The following TMEM254 variants were observed in gnomAD, a reference collection of about 807,000 sequenced individuals.
TMEM254 encodes transmembrane protein 254.
TMEM254 carries 16 observed loss-of-function variants against 13.9 expected under a neutral mutation model. The ratio of observed to expected loss-of-function variants is 1.15; its 90% confidence interval spans 0.78 to 1.75. The LOEUF is 1.75. Ranked by LOEUF, TMEM254 falls within the 40% of genes most tolerant of loss-of-function variation. The pLI is 0.00. For synonymous variants in TMEM254, 61 were observed against 56.4 expected (o/e 1.08, Z -0.36); for missense variants, 155 against 149.0 (o/e 1.04, Z -0.21).
intron 3 of TMEM254, among the ~76,000 whole-genome samples, chr10:80,082,619 C>T (rs1844098672): frequency 6.6e-6 from 1 of 152,124 alleles, no homozygotes; most frequent in South Asian, 2.1e-4. Flanking sequence ...GTCTGGTTTC[C>T]AGACCCAGAG....
intron 3 of TMEM254, among the ~76,000 whole-genome samples, chr10:80,089,659 C>T (rs918723129): frequency 6.7e-6 from 1 of 149,360 alleles, no homozygotes; most frequent in African/African-American, 2.5e-5. Context: ...CTGTAGGTGA[C>T]AGAGTGAGAC....
At chr10:80,079,170 C>T in intron 1 of TMEM254, 2 of 1,159,474 alleles carry the variant, frequency 1.7e-6, no homozygotes, top group Non-Finnish European at 2.3e-6. Context: ...AGTCCTGGGG[C>T]TGGGCTACTT....
chr10:80,085,098 A>G (rs1274195262), intron 3 of TMEM254, among the ~76,000 whole-genome samples: 1 of 152,080 alleles, frequency 6.6e-6, no homozygotes, highest in Non-Finnish European at 1.5e-5. Context: ...GGGATTACAG[A>G]CGTGAGCCAC....
At chr10:80,080,474 C>T (rs1843939378) in intron 1 of TMEM254, among the ~76,000 whole-genome samples, 1 of 152,136 alleles carries the variant, frequency 6.6e-6, no homozygotes, top group Admixed American at 6.5e-5. Flanking sequence ...CATCTCTATG[C>T]AGTGGATCAT....
chr10:80,090,444 G>T (rs1355737713), intron 3 of TMEM254: 1 of 717,336 alleles, frequency 1.4e-6, no homozygotes, highest in South Asian at 1.5e-5. Context: ...AGGTAGCCAC[G>T]CTAGGATTTA....
At position 80,078,731 on chromosome 10, in the gene TMEM254, A is replaced by G. The variant is rs1452469127; in HGVS notation, c.32A>G (p.Gln11Arg). Residue 11 changes from glutamine (Q) to arginine (R), a missense_variant, in exon 1 of 4, where the codon CAG becomes CGG. Transcript: ENST00000372281. ...ACGGCAGCCGGCGCGACCTACTTTC[A>G]GCGAGGCAGTCTGTTCTGGTTCACA... is the stretch of plus-strand genomic sequence containing the variant. MATAAGATYF[Q>R]RGSLFWFTVI... The G allele has an allele frequency of 1.9e-6, 3 of 1,608,034 alleles. No individual in the cohort carries two copies. Among genetic ancestry groups the G allele is most frequent in the Non-Finnish European group, 1.7e-6 (2 of 1,177,990 alleles).
intron 3 of TMEM254, among the ~76,000 whole-genome samples, chr10:80,084,448 G>A (rs1172961635): frequency 5.9e-5 from 9 of 152,132 alleles, no homozygotes; most frequent in Admixed American, 5.9e-4. Flanking sequence ...AACAACTTCC[G>A]TATCCCTCCA....
chr10:80,081,333 A>G (rs1844010429), intron 1 of TMEM254, among the ~76,000 whole-genome samples: 2 of 152,076 alleles, frequency 1.3e-5, no homozygotes, highest in Admixed American at 1.3e-4. Flanking sequence ...ATAACCACAT[A>G]CTTTCCTCAG....
intron 3 of TMEM254, among the ~76,000 whole-genome samples, chr10:80,083,105 C>CTTTTTTT (rs57014602): frequency 5.6e-5 from 6 of 106,368 alleles, no homozygotes; most frequent in Admixed American, 2.2e-4. Context: ...ATAAGCTAGA[C>CTTTTTTT]TTTTTTTTTT....
intron 1 of TMEM254, among the ~76,000 whole-genome samples, chr10:80,080,756 T>A (rs1179060380): frequency 6.8e-6 from 1 of 146,154 alleles, no homozygotes; most frequent in African/African-American, 2.5e-5. Flanking sequence ...CTGGGCAACA[T>A]GGCAAAACCT....
chr10:80,078,913 A>G lies in TMEM254; in HGVS notation c.87+127A>G, dbSNP rs1843791395. ...AGCACAATCCCGACTCCCGCGCGCT[A>G]GGAGCGGAGGGGAGGGGACCAGACT... On this transcript the variant is annotated intron_variant, in intron 1 of 3. Coordinates refer to ENST00000372281, the MANE Select transcript of TMEM254 (RefSeq NM_025125.4). The G allele has an allele frequency of 2.0e-6, 3 of 1,519,294 alleles. No homozygotes were observed. In the Admixed American group the frequency reaches 6.0e-5, roughly 30 times the overall value. 94.1% of individuals were successfully genotyped at this position (1,519,294 alleles called of 1,614,324 possible). A position where few individuals can be genotyped will look rare whatever the true frequency, so the allele number is the denominator to read the frequency against.
Position 80,081,959 on chromosome 10 carries a change from A to T in TMEM254, c.191+15A>T. ...CTGTGCAATGGGTAAGGAGAGCTGC[A>T]CAAGTGGACTGTGGACACTGGAGCT... is the stretch of plus-strand genomic sequence containing the variant. On this transcript the variant is annotated intron_variant, in intron 2 of 3. Coordinates refer to ENST00000372281, the MANE Select transcript of TMEM254 (RefSeq NM_025125.4). 1 of 1,611,026 alleles carries T rather than the reference A, an allele frequency of 6.2e-7. No homozygotes were observed. Among genetic ancestry groups the T allele is most frequent in the Non-Finnish European group, 8.5e-7 (1 of 1,177,484 alleles).
At chr10:80,086,710 G>A (rs1173075018) in intron 3 of TMEM254, among the ~76,000 whole-genome samples, 4 of 151,460 alleles carry the variant, frequency 2.6e-5, no homozygotes, top group Admixed American at 2.0e-4. Context: ...GCATGGTGGC[G>A]GGCACCTGTA....
chr10:80,079,848 C>G (rs556077759), intron 1 of TMEM254, among the ~76,000 whole-genome samples: 21 of 152,334 alleles, frequency 1.4e-4, no homozygotes, highest in African/African-American at 5.1e-4. Context: ...GCTGGGATTA[C>G]ACTATGCCCA....
At chr10:80,089,517 A>G (rs1185329837) in intron 3 of TMEM254, among the ~76,000 whole-genome samples, 1 of 152,112 alleles carries the variant, frequency 6.6e-6, no homozygotes, top group African/African-American at 2.4e-5. Context: ...CAAAAAACAA[A>G]CAAAAAACCT....
At chr10:80,086,220 CT>C (rs1251700264) in intron 3 of TMEM254, 2 of 1,458,370 alleles carry the variant, frequency 1.4e-6, no homozygotes, top group Non-Finnish European at 1.8e-6. Context: ...AGACTTTTGT[CT>C]TTTAAATAGG....
chr10:80,078,879 A>AG, intron 1 of TMEM254, 93 bp downstream of exon 1: 8 of 1,531,270 alleles, frequency 5.2e-6, no homozygotes, highest in Non-Finnish European at 7.1e-6. Flanking sequence ...GGCCGGGGGA[A>AG]GTCGTGCAAG....
At chr10:80,085,072 G>A (rs533547522) in intron 3 of TMEM254, among the ~76,000 whole-genome samples, 5 of 152,090 alleles carry the variant, frequency 3.3e-5, no homozygotes, top group Admixed American at 1.3e-4. Flanking sequence ...CGCCCACCTC[G>A]GTTTCCCAAA....
intron 1 of TMEM254, chr10:80,079,028 G>A (rs1843800103): frequency 6.6e-7 from 1 of 1,518,872 alleles, no homozygotes; most frequent in Non-Finnish European, 8.9e-7. Context: ...TTTCTTATAT[G>A]GGGGCGGGGA....
Sources: allele counts gnomAD v4.1 joint callset (sites outside exome capture counted in the v4.1 genomes callset), GRCh38; gene constraint gnomAD v4.1.1; transcripts MANE v1.5; gene names NCBI Gene and HGNC (gene_info 2026-07-23, HGNC 2026-07-21).